Variants in CHSY3 observed in about 807,000 individuals in gnomAD.
CHSY3 encodes the protein chondroitin sulfate synthase 3, also known as N-acetylgalactosaminyl-proteoglycan 3-beta-glucuronosyltransferase 3.
CHSY3 carries 35 observed loss-of-function variants against 67.2 expected under a neutral mutation model. The ratio of observed to expected loss-of-function variants is 0.52; its 90% CI spans 0.40 to 0.69. The LOEUF (loss-of-function observed/expected upper bound fraction) is 0.69, where lower values mean the gene tolerates loss of function less well. Among genes scored for constraint, CHSY3 ranks in the 30% least tolerant of loss-of-function variants. The pLI is 0.00. For missense variants in CHSY3, 1,069 were observed against 1,138.5 expected (o/e 0.94, Z 0.88); for synonymous variants, 474 against 434.7 (o/e 1.09, Z -1.12).
At chr5:129,944,565 C>T (rs1761796645) in intron 2 of CHSY3, among the ~76,000 whole-genome samples, 1 of 152,090 alleles carries the variant, frequency 6.6e-6, no homozygotes, top group East Asian at 1.9e-4. Flanking sequence ...GAACTCCTGG[C>T]CTCATGATCT....
intron 2 of CHSY3, among the ~76,000 whole-genome samples, chr5:130,020,757 A>C (rs1308625017): frequency 6.6e-6 from 1 of 152,088 alleles, no homozygotes; most frequent in Non-Finnish European, 1.5e-5. Context: ...GCAATAACTT[A>C]TGAAGTGTGT....
intron 2 of CHSY3, among the ~76,000 whole-genome samples, chr5:129,933,062 T>G (rs1013899630): frequency 2.6e-5 from 4 of 152,180 alleles, no homozygotes; most frequent in Non-Finnish European, 5.9e-5. Flanking sequence ...ATGCTTTATG[T>G]AGCATAGAGT....
intron 2 of CHSY3, among the ~76,000 whole-genome samples, chr5:130,176,810 G>A (rs1770068248): frequency 6.6e-6 from 1 of 152,098 alleles, no homozygotes; most frequent in African/African-American, 2.4e-5. Flanking sequence ...ATGGACACAG[G>A]GAGGGGAACA....
intron 2 of CHSY3, among the ~76,000 whole-genome samples, chr5:130,065,829 C>G (rs1458838833): frequency 6.6e-6 from 1 of 152,184 alleles, no homozygotes; most frequent in African/African-American, 2.4e-5. Flanking sequence ...CTCCAGTTTA[C>G]TAAACTGAAA....
intron 2 of CHSY3, among the ~76,000 whole-genome samples, chr5:129,936,934 A>G (rs980943630): frequency 2.0e-5 from 3 of 152,078 alleles, no homozygotes; most frequent in Admixed American, 6.5e-5. Context: ...CTCCATTTAT[A>G]TAGACTTTCC....
chr5:130,162,057 A>AAAAAAAAAG (rs1554087189), intron 2 of CHSY3, among the ~76,000 whole-genome samples: 72 of 122,944 alleles, frequency 5.9e-4, no homozygotes, highest in Non-Finnish European at 7.8e-4. Context: ...AAAAAAAAAA[A>AAAAAAAAAG]AAAGAAAGAA....
At chr5:130,090,365 C>G (rs1384160834) in intron 2 of CHSY3, among the ~76,000 whole-genome samples, 1 of 152,148 alleles carries the variant, frequency 6.6e-6, no homozygotes, top group Non-Finnish European at 1.5e-5. Flanking sequence ...GAAGACCCCT[C>G]TAGTGGGCTC....
At chr5:130,009,749 C>A (rs540338055) in intron 2 of CHSY3, among the ~76,000 whole-genome samples, 5 of 152,110 alleles carry the variant, frequency 3.3e-5, no homozygotes, top group Non-Finnish European at 7.4e-5. Flanking sequence ...AGAGAACCAT[C>A]TCCCATGCAG....
At chr5:130,024,886 T>A (rs1764496212) in intron 2 of CHSY3, among the ~76,000 whole-genome samples, 1 of 152,122 alleles carries the variant, frequency 6.6e-6, no homozygotes, top group Admixed American at 6.6e-5. Context: ...GTATTTTATA[T>A]TATAAGTTAT....
At chr5:130,160,006 T>G (rs1381198247) in intron 2 of CHSY3, among the ~76,000 whole-genome samples, 1 of 152,138 alleles carries the variant, frequency 6.6e-6, no homozygotes, top group East Asian at 1.9e-4. Context: ...TCACCCAGGT[T>G]ACAGAAAAAG....
intron 2 of CHSY3, among the ~76,000 whole-genome samples, chr5:130,116,563 GTC>G (rs77119964): frequency 0.028 from 4,274 of 152,244 alleles, 133 homozygotes; most frequent in African/African-American, 0.079. Flanking sequence ...TGATGTAATA[GTC>G]TCTGTAGTTG....
At chr5:130,095,176 A>G (rs1358381639) in intron 2 of CHSY3, among the ~76,000 whole-genome samples, 1 of 152,220 alleles carries the variant, frequency 6.6e-6, no homozygotes, top group Non-Finnish European at 1.5e-5. Flanking sequence ...GTTAATATAC[A>G]TACCTATATT....
rs573267656 is a variant in CHSY3 at position 130,088,027 on chromosome 5, T to A, written c.1087-96202T>A. On this transcript the variant is annotated intron_variant, in intron 2 of 2. Transcript: ENST00000305031. ...AGTGGTACCAAAACAGAGATATAGA[T>A]CAATGGAATAGAACAGAGCTCTCAG... Among the ~76,000 whole-genome samples, 27 of 152,168 alleles carry A rather than the reference T, an allele frequency of 1.8e-4. 1 individual carries two copies. In the South Asian group the frequency reaches 3.5e-3, roughly 20 times the overall value.
intron 2 of CHSY3, among the ~76,000 whole-genome samples, chr5:130,169,496 C>T (rs186389961): frequency 1.5e-4 from 23 of 151,946 alleles, no homozygotes; most frequent in Middle Eastern, 3.4e-3. Flanking sequence ...ATCATGTAGC[C>T]GAAGCTGACA....
intron 2 of CHSY3, among the ~76,000 whole-genome samples, chr5:130,167,858 T>C (rs1036662219): frequency 2.4e-4 from 37 of 152,096 alleles, no homozygotes; most frequent in African/African-American, 8.9e-4. Context: ...AGATACTAAT[T>C]TATGCATGTT....
At chr5:129,959,137 G>C (rs186179367) in intron 2 of CHSY3, among the ~76,000 whole-genome samples, 1 of 151,662 alleles carries the variant, frequency 6.6e-6, no homozygotes, top group Non-Finnish European at 1.5e-5. Flanking sequence ...AACGTATTTC[G>C]CATTTACTAG....
At chr5:129,924,065 T>C (rs1015077166) in intron 2 of CHSY3, among the ~76,000 whole-genome samples, 2 of 152,212 alleles carry the variant, frequency 1.3e-5, no homozygotes, top group African/African-American at 4.8e-5. Context: ...AGTAATTTGT[T>C]TGAAAATTAT....
At chr5:130,104,757 G>A (rs1767361892) in intron 2 of CHSY3, among the ~76,000 whole-genome samples, 1 of 151,974 alleles carries the variant, frequency 6.6e-6, no homozygotes, top group East Asian at 1.9e-4. Flanking sequence ...AAGTATAAGT[G>A]CATGACTGTA....
chr5:129,980,280 GGTATATAGTA>G (rs1365630846), intron 2 of CHSY3, among the ~76,000 whole-genome samples: 1 of 152,106 alleles, frequency 6.6e-6, no homozygotes, highest in African/African-American at 2.4e-5. Context: ...TCTGGATTTT[GGTATATAGTA>G]GTATCTCATT....
Sources: gnomAD v4.1 joint callset for allele counts (sites outside exome capture counted in the v4.1 genomes callset) on GRCh38, gnomAD v4.1.1 for gene constraint, MANE v1.5 for transcripts, NCBI Gene and HGNC (gene_info 2026-07-23, HGNC 2026-07-21) for gene names.